The following RGS7 variants were observed in gnomAD, a reference collection of about 807,000 sequenced individuals.
RGS7 encodes the protein regulator of G protein signaling 7.
Under a neutral mutation model 81.1 loss-of-function variants are expected in RGS7, and 27 were observed. That is an observed-to-expected ratio of 0.33 (90% CI 0.25 to 0.46). The LOEUF (loss-of-function observed/expected upper bound fraction) is 0.46, where lower values mean the gene tolerates loss of function less well. Ranked by LOEUF, RGS7 falls within the 20% of genes least tolerant of loss-of-function variation. RGS7 has a pLI of 1.00. For synonymous variants in RGS7, 208 were observed against 207.7 expected (o/e 1.00, Z -0.01); for missense variants, 396 against 607.4 (o/e 0.65, Z 3.66).
intron 2 of RGS7, among the ~76,000 whole-genome samples, chr1:241,160,641 T>C (rs769584744): frequency 2.0e-5 from 3 of 152,242 alleles, no homozygotes; most frequent in Non-Finnish European, 4.4e-5. Context: ...CTACATTGGC[T>C]CTTTCCCTGT....
intron 9 of RGS7, among the ~76,000 whole-genome samples, chr1:240,833,838 T>C (rs1323974570): frequency 6.6e-6 from 1 of 151,990 alleles, no homozygotes; most frequent in Non-Finnish European, 1.5e-5. Context: ...TGGAATGCAG[T>C]GGTGCAATCA....
At chr1:240,884,770 T>C (rs375509085) in intron 6 of RGS7, among the ~76,000 whole-genome samples, 39 of 152,276 alleles carry the variant, frequency 2.6e-4, no homozygotes, top group African/African-American at 8.9e-4. Context: ...ATGGATTAAA[T>C]ACTTAAATGT....
chr1:240,812,085 G>C (rs757853751), intron 13 of RGS7, 42 bp from the exon 14 acceptor site: 66 of 1,612,224 alleles, frequency 4.1e-5, no homozygotes, highest in Non-Finnish European at 1.7e-6. Context: ...CCTTTCATTA[G>C]AATTCCCATT....
intron 2 of RGS7, among the ~76,000 whole-genome samples, chr1:241,319,868 A>C (rs1028942740): frequency 6.6e-6 from 1 of 152,072 alleles, no homozygotes; most frequent in Non-Finnish European, 1.5e-5. Context: ...TGAGGCGGGC[A>C]GATCACGAGG....
intron 2 of RGS7, among the ~76,000 whole-genome samples, chr1:241,177,447 GC>G (rs2071240235): frequency 1.3e-5 from 2 of 152,096 alleles, no homozygotes; most frequent in African/African-American, 2.4e-5. Flanking sequence ...AGTAAAGGGG[GC>G]CCCACTGGCC....
intron 2 of RGS7, among the ~76,000 whole-genome samples, chr1:241,255,279 C>G (rs1030151375): frequency 6.6e-6 from 1 of 152,092 alleles, no homozygotes; most frequent in African/African-American, 2.4e-5. Flanking sequence ...GGAATGAGAG[C>G]CTATCTATAA....
chr1:241,230,729 C>G (rs572258894), intron 2 of RGS7, among the ~76,000 whole-genome samples: 3 of 152,292 alleles, frequency 2.0e-5, no homozygotes, highest in Admixed American at 1.3e-4. Flanking sequence ...CCCCCTTCAC[C>G]CTAGTGTTCT....
In RGS7 at chr1:240,998,439, A is replaced by G. The variant is rs926657565; in HGVS notation, c.176-15310T>C. The G allele has an allele frequency of 3.9e-6, 3 of 760,216 alleles. No homozygotes were observed. The African/African-American group carries it at 5.3e-5, about 13-fold the overall frequency. The allele number at this position is 760,216 out of a possible 1,614,324, so 47.1% of individuals were successfully genotyped here. On this transcript the variant is annotated intron_variant, in intron 3 of 18. Transcript: ENST00000440928. ...CAGCTTTTTATTGAACACATTATAA[A>G]AGAGGTTTCGTCAAAAAGACCAAAG...
At chr1:240,991,322 C>G (rs1686422567) in intron 3 of RGS7, among the ~76,000 whole-genome samples, 1 of 152,126 alleles carries the variant, frequency 6.6e-6, no homozygotes, top group African/African-American at 2.4e-5. Context: ...ACCTAGGCAG[C>G]AAAAACAGCA....
chr1:240,791,737 A>G (rs74151832), intron 18 of RGS7, among the ~76,000 whole-genome samples: 13,637 of 152,240 alleles, frequency 0.09, 2,045 homozygotes, highest in African/African-American at 0.31. Context: ...AATAATTAAC[A>G]TATGACTCCA....
chr1:241,058,134 T>G (rs2061565943), intron 3 of RGS7, among the ~76,000 whole-genome samples: 1 of 152,176 alleles, frequency 6.6e-6, no homozygotes, highest in Non-Finnish European at 1.5e-5. Flanking sequence ...AGTCTCCTGA[T>G]GAGATCTCAG....
chr1:241,138,289 T>C lies in RGS7; in HGVS notation c.79-39527A>G, dbSNP rs1275620346. ...TTATAACACAGGTAAGTGATACAGG[T>C]ATCAGAAATGGGAGATGTCACAGTC... On this transcript the variant is annotated intron_variant, in intron 2 of 18. Transcript: ENST00000440928. Among the ~76,000 whole-genome samples the C allele has an allele frequency of 3.3e-5, 5 of 151,626 alleles. No individual in the cohort carries two copies. In the East Asian group the frequency reaches 9.6e-4, roughly 29 times the overall value.
chr1:240,994,967 C>T (rs1409102733), intron 3 of RGS7, among the ~76,000 whole-genome samples: 1 of 152,104 alleles, frequency 6.6e-6, no homozygotes, highest in Non-Finnish European at 1.5e-5. Context: ...TGAACCACAG[C>T]ACCTGGCCTA....
chr1:240,968,605 G>A (rs1682716495), intron 4 of RGS7, among the ~76,000 whole-genome samples: 1 of 151,888 alleles, frequency 6.6e-6, no homozygotes, highest in African/African-American at 2.4e-5. Context: ...ACTTAAAGGG[G>A]AATTTTCAAA....
chr1:240,989,619 C>A (rs1419689419), intron 3 of RGS7, among the ~76,000 whole-genome samples: 1 of 152,040 alleles, frequency 6.6e-6, no homozygotes, highest in Non-Finnish European at 1.5e-5. Flanking sequence ...TTCTCCCTAC[C>A]CTCAAGAAAG....
At chr1:241,108,842 CCTT>C (rs2065311838) in intron 2 of RGS7, among the ~76,000 whole-genome samples, 1 of 152,086 alleles carries the variant, frequency 6.6e-6, no homozygotes, top group African/African-American at 2.4e-5. Context: ...CTGTCAGAAT[CCTT>C]CTCCTTCTGC....
At chr1:241,056,390 A>C (rs1233083701) in intron 3 of RGS7, among the ~76,000 whole-genome samples, 4 of 151,926 alleles carry the variant, frequency 2.6e-5, no homozygotes, top group Non-Finnish European at 2.9e-5. Context: ...TACCCATCTC[A>C]TCTCATTCAT....
At chr1:241,176,346 C>T (rs2071141671) in intron 2 of RGS7, among the ~76,000 whole-genome samples, 1 of 152,134 alleles carries the variant, frequency 6.6e-6, no homozygotes, top group Non-Finnish European at 1.5e-5. Flanking sequence ...CTATCCAGGA[C>T]ATTATTTTAA....
rs1480697909 is a variant in RGS7, at chr1:241,030,369, TATATAC to T, written c.176-47246_176-47241del. ...TTTTCCAGAACTTATAGCATATATA[TATATAC>T]ATACACACATACATACACACACACA... is the stretch of plus-strand genomic sequence containing the variant. On this transcript the variant is annotated intron_variant, in intron 3 of 18. Transcript: ENST00000440928. Among the ~76,000 whole-genome samples, 5 of 125,676 alleles carry T rather than the reference TATATAC, an allele frequency of 4.0e-5. 1 individual carries two copies. The highest frequency in any genetic ancestry group is 7.9e-5 in the Admixed American group (1 of 12,710). 82.4% of individuals were successfully genotyped at this position (125,676 alleles called of 152,430 possible).
Sources: gnomAD v4.1 joint callset for allele counts (sites outside exome capture counted in the v4.1 genomes callset) on GRCh38, gnomAD v4.1.1 for gene constraint, MANE v1.5 for transcripts, NCBI Gene and HGNC (gene_info 2026-07-23, HGNC 2026-07-21) for gene names.